Variants in VPS13D observed in about 807,000 individuals in gnomAD.
VPS13D encodes vacuolar protein sorting 13 homolog D.
Under a neutral mutation model 461.9 loss-of-function variants are expected in VPS13D, and 187 were observed. The ratio of observed to expected loss-of-function variants is 0.40; its 90% CI spans 0.36 to 0.46. The LOEUF is 0.46. Ranked by LOEUF, VPS13D falls within the 20% of genes least tolerant of loss-of-function variation. The pLI is 0.60. For synonymous variants in VPS13D, 1,951 were observed against 1,986.3 expected, an observed-to-expected ratio of 0.98 and a Z score of 0.47; for missense variants, 4,711 against 5,364.9, an observed-to-expected ratio of 0.88 and a Z score of 3.81.
At chr1:12,263,552 A>G (rs1004971797) in intron 13 of VPS13D, among the ~76,000 whole-genome samples, 2 of 152,226 alleles carry the variant, frequency 1.3e-5, no homozygotes, top group Non-Finnish European at 2.9e-5. Flanking sequence ...TTAAAGGTGT[A>G]TAAATAAATA....
chr1:12,342,486 A>G lies in VPS13D; in HGVS notation c.8733-413A>G, dbSNP rs528192486. Among the ~76,000 whole-genome samples, 92 of 152,338 alleles carry G rather than the reference A, an allele frequency of 6.0e-4. 2 individuals are homozygous for G. The highest frequency in any genetic ancestry group is 2.2e-3 in the African/African-American group (91 of 41,564). Reference sequence around the variant, plus strand: ...GGTCATGAAGTGCATGGCATGAGTAACAGAATCCATTGATTTGAAATCACA... The same window carrying G: ...GGTCATGAAGTGCATGGCATGAGTAGCAGAATCCATTGATTTGAAATCACA... On this transcript the variant is annotated intron_variant, in intron 41 of 69. Coordinates refer to ENST00000620676, the MANE Select transcript of VPS13D (RefSeq NM_015378.4).
At chr1:12,373,106 T>G (rs1236784074) in intron 54 of VPS13D, among the ~76,000 whole-genome samples, 2 of 139,706 alleles carry the variant, frequency 1.4e-5, no homozygotes, top group East Asian at 2.0e-4. Context: ...TTTTTTTTTT[T>G]TTTTTTTTTT....
intron 18 of VPS13D, among the ~76,000 whole-genome samples, chr1:12,273,382 G>T (rs1007287502): frequency 3.5e-4 from 53 of 152,144 alleles, no homozygotes; most frequent in African/African-American, 1.2e-3. Context: ...AGACCTGAGG[G>T]TTCACTTGTT....
Position 12,338,236 on chromosome 1 carries a change from C to T in VPS13D, c.8557C>T (p.Pro2853Ser), listed in dbSNP as rs1643492029. 3 of 1,613,412 alleles carry T rather than the reference C, an allele frequency of 1.9e-6. No homozygotes were observed. The highest frequency in any genetic ancestry group is 1.7e-5 in the Admixed American group (1 of 59,998). The change falls in exon 40 of 70, where the codon CCC becomes TCC. Residue 2853 changes from proline (P) to serine (S), a missense_variant. Physicochemically the swap from Pro to Ser is moderately conservative, Grantham distance 74 (BLOSUM62 -1). Around this residue, in one of 3 missense-constraint regions of VPS13D, gnomAD observed 4,411 missense variants for 4,937.8 expected, o/e 0.89. Transcript: ENST00000620676. The part of the protein sequence containing the change: ...VDPPCFGQSL[P>S]LVYLRTRSTA... ...TTGTCTCTCCTGTCTACCAGGCCTCCCCCTTGTCTACCTTAGAACTAGGAG... is the reference window on the plus strand; with the variant it reads ...TTGTCTCTCCTGTCTACCAGGCCTCTCCCTTGTCTACCTTAGAACTAGGAG...
chr1:12,439,426 C>T (rs987217214), intron 65 of VPS13D, among the ~76,000 whole-genome samples: 13 of 152,032 alleles, frequency 8.6e-5, no homozygotes, highest in Non-Finnish European at 1.6e-4. Context: ...CCCTTCCTGA[C>T]ATCCCCTCCC....
At chr1:12,303,154 T>C (rs1217435952) in intron 25 of VPS13D, among the ~76,000 whole-genome samples, 1 of 152,246 alleles carries the variant, frequency 6.6e-6, no homozygotes, top group Non-Finnish European at 1.5e-5. Context: ...TAATATGCAT[T>C]CCAGTGGTTA....
chr1:12,417,193 G>A (rs1644805059), intron 65 of VPS13D, among the ~76,000 whole-genome samples: 1 of 152,184 alleles, frequency 6.6e-6, no homozygotes, highest in South Asian at 2.1e-4. Context: ...AGATCTACCA[G>A]TTATTGCCCA....
chr1:12,266,847 G>A (rs1478249283), intron 13 of VPS13D, 34 bp from the exon 14 acceptor site: 1 of 1,496,344 alleles, frequency 6.7e-7, no homozygotes, highest in Non-Finnish European at 9.0e-7. Context: ...GCTCTCATAA[G>A]CATTGTATCA....
At chr1:12,384,766 A>G (rs114226847) in intron 58 of VPS13D, among the ~76,000 whole-genome samples, 5,943 of 152,132 alleles carry the variant, frequency 0.039, 158 homozygotes, top group Middle Eastern at 0.095. Flanking sequence ...ACTTAAGTGC[A>G]TGCCACCATG....
intron 5 of VPS13D, among the ~76,000 whole-genome samples, chr1:12,248,051 C>T (rs889202869): frequency 9.2e-5 from 14 of 151,948 alleles, no homozygotes; most frequent in Non-Finnish European, 1.5e-4. Flanking sequence ...CCACGCCCCG[C>T]TAATTTTTTG....
chr1:12,456,524 G>C (rs1645329997), intron 66 of VPS13D, among the ~76,000 whole-genome samples: 1 of 150,878 alleles, frequency 6.6e-6, no homozygotes, highest in South Asian at 2.1e-4. Context: ...TGTAGTCCCA[G>C]CTACTCGGGA....
At position 12,322,647 on chromosome 1, in the gene VPS13D, G is replaced by A. The variant is rs143611843; in HGVS notation, c.7816G>A (p.Ala2606Thr). ...QANAAVPDSV[A>T]LESDSVGTYL... ...TAATGCTGCAGTGCCAGACTCAGTGGCCCTGGAGTCAGACTCCGTTGGCAC... is the reference window on the plus strand; with the variant it reads ...TAATGCTGCAGTGCCAGACTCAGTGACCCTGGAGTCAGACTCCGTTGGCAC... Residue 2606 changes from alanine (A) to threonine (T), a missense_variant, in exon 34 of 70, where the codon GCC (alanine) becomes ACC (threonine). By Grantham distance (58) the Ala-to-Thr change is moderately conservative. Coordinates refer to ENST00000620676, the MANE Select transcript of VPS13D (RefSeq NM_015378.4). 16 of 1,614,214 alleles carry A rather than the reference G, an allele frequency of 9.9e-6. No individual in the cohort carries two copies. The African/African-American group carries it at 1.9e-4, about 19-fold the overall frequency.
chr1:12,282,658 G>T lies in VPS13D; in HGVS notation c.4603-47G>T, dbSNP rs368434776. The T allele has an allele frequency of 3.3e-6, 5 of 1,527,992 alleles. No individual in the cohort carries two copies. In the East Asian group the frequency reaches 1.1e-4, roughly 35 times the overall value. The allele number at this position is 1,527,992 out of a possible 1,614,324, so 94.7% of individuals were successfully genotyped here. A position where few individuals can be genotyped will look rare whatever the true frequency, so the allele number is the denominator to read the frequency against. ...AGACATTTATGGGCATTACATCTAC[G>T]TGCATTTAATAATAAGAGTAACTGA... is the stretch of plus-strand genomic sequence containing the variant. On this transcript the variant is annotated intron_variant, in intron 20 of 69. Transcript: ENST00000620676.
At chr1:12,325,211 G>A (rs1336411908) in intron 35 of VPS13D, among the ~76,000 whole-genome samples, 1 of 151,890 alleles carries the variant, frequency 6.6e-6, no homozygotes, top group Non-Finnish European at 1.5e-5. Flanking sequence ...TCCTGCCTCA[G>A]CCTCCTTTCC....
intron 54 of VPS13D, 33 bp downstream of exon 54, chr1:12,369,735 G>A (rs755648486): frequency 6.3e-7 from 1 of 1,591,788 alleles, no homozygotes; most frequent in Admixed American, 1.7e-5. Context: ...TTCCTATAAA[G>A]CAGAAGGTTC....
At chr1:12,487,676 T>C (rs918091694) in intron 67 of VPS13D, among the ~76,000 whole-genome samples, 2 of 150,424 alleles carry the variant, frequency 1.3e-5, no homozygotes, top group African/African-American at 4.9e-5. Context: ...CATCCTCATA[T>C]CTGCTTGGCT....
intron 15 of VPS13D, among the ~76,000 whole-genome samples, chr1:12,268,207 C>G (rs1452403976): frequency 2.0e-5 from 3 of 150,042 alleles, no homozygotes; most frequent in Admixed American, 6.7e-5. Context: ...TCCTTGGCCT[C>G]CCAAAGTGCT....
chr1:12,308,317 G>T, intron 26 of VPS13D, 114 bp from the exon 27 acceptor site: 2 of 1,110,338 alleles, frequency 1.8e-6, no homozygotes, highest in Non-Finnish European at 2.6e-6. Flanking sequence ...GGGGAAGCAG[G>T]CAGCTGTAAA....
rs1646155953 is a variant in VPS13D, at chr1:12,509,429, A to G, written c.*405A>G. 6.4e-6 allele frequency: 1 copy of G among 156,032 alleles called. No individual in the cohort carries two copies. The highest frequency in any genetic ancestry group is 2.0e-4 in the South Asian group (1 of 4,966). 9.7% of individuals were successfully genotyped at this position (156,032 alleles called of 1,614,324 possible). A position where few individuals can be genotyped will look rare whatever the true frequency, so the allele number is the denominator to read the frequency against. On this transcript the variant is annotated 3_prime_UTR_variant, in exon 70 of 70. Coordinates refer to ENST00000620676, the MANE Select transcript of VPS13D (RefSeq NM_015378.4). ...GTAAAGTAATATAAAGTTATATTGGATCTTCTATTGCACTAATTCTAGATG... is the reference window on the plus strand; with the variant it reads ...GTAAAGTAATATAAAGTTATATTGGGTCTTCTATTGCACTAATTCTAGATG...
Sources: gnomAD v4.1 joint callset for allele counts (sites outside exome capture counted in the v4.1 genomes callset) on GRCh38, gnomAD v4.1.1 for gene constraint, gnomAD v4.1.1 regional missense constraint, MANE v1.5 for transcripts, NCBI Gene and HGNC (gene_info 2026-07-23, HGNC 2026-07-21) for gene names.